Variants in UNC5C observed in about 807,000 individuals in gnomAD.
UNC5C encodes the protein unc-5 netrin receptor C.
In UNC5C, 47 loss-of-function variants were observed where a neutral mutation model predicts 99.8. The ratio of observed to expected loss-of-function variants is 0.47; its 90% CI spans 0.37 to 0.60. The LOEUF (loss-of-function observed/expected upper bound fraction) is 0.60, where lower values mean the gene tolerates loss of function less well. Ranked by LOEUF, UNC5C falls within the 20% of genes least tolerant of loss-of-function variation. The pLI, the probability that UNC5C is intolerant of heterozygous loss-of-function variation, is 0.00. For missense variants in UNC5C, 1,062 were observed against 1,165.9 expected, an observed-to-expected ratio of 0.91 and a Z score of 1.30; for synonymous variants, 487 against 452.2, an observed-to-expected ratio of 1.08 and a Z score of -0.98.
chr4:95,278,388 A>T (rs754126482), intron 3 of UNC5C, 26 bp from the exon 4 acceptor site: 3 of 1,572,104 alleles, frequency 1.9e-6, no homozygotes, highest in South Asian at 2.2e-5. Context: ...GACAAAATAC[A>T]TGTCAAAATT....
intron 13 of UNC5C, 90 bp from the exon 14 acceptor site, chr4:95,183,151 C>T (rs1736686442): frequency 1.6e-6 from 2 of 1,282,662 alleles, no homozygotes; most frequent in South Asian, 1.4e-5. Context: ...CTGAGTATCA[C>T]ACCTGTGGCC....
At chr4:95,282,380 T>C (rs1741091109) in intron 3 of UNC5C, among the ~76,000 whole-genome samples, 1 of 151,838 alleles carries the variant, frequency 6.6e-6, no homozygotes, top group African/African-American at 2.4e-5. Flanking sequence ...TGATGAGGAG[T>C]GGCCAGGAAG....
At chr4:95,309,530 C>A (rs1393736366) in intron 2 of UNC5C, among the ~76,000 whole-genome samples, 1 of 152,028 alleles carries the variant, frequency 6.6e-6, no homozygotes, top group African/African-American at 2.4e-5. Flanking sequence ...GTAAACCATA[C>A]ATCTGATAAA....
chr4:95,395,501 G>C (rs1192603804), intron 1 of UNC5C, among the ~76,000 whole-genome samples: 2 of 152,122 alleles, frequency 1.3e-5, no homozygotes, highest in Non-Finnish European at 2.9e-5. Flanking sequence ...CCTCCTCCCA[G>C]ACACTAAGGG....
intron 3 of UNC5C, among the ~76,000 whole-genome samples, chr4:95,299,917 G>A (rs1018183643): frequency 6.6e-6 from 1 of 152,146 alleles, no homozygotes; most frequent in Non-Finnish European, 1.5e-5. Flanking sequence ...GTAACAGGGA[G>A]GAAGGGCTGG....
At chr4:95,184,448 C>T (rs576210746) in intron 13 of UNC5C, among the ~76,000 whole-genome samples, 4 of 152,222 alleles carry the variant, frequency 2.6e-5, no homozygotes, top group South Asian at 2.1e-4. Context: ...CTTGCAATCC[C>T]GCCAAAGTGG....
At chr4:95,319,505 C>G (rs913926571) in intron 2 of UNC5C, among the ~76,000 whole-genome samples, 1 of 152,110 alleles carries the variant, frequency 6.6e-6, no homozygotes, top group Non-Finnish European at 1.5e-5. Flanking sequence ...ACTTTTTTGC[C>G]AGACCCTGAT....
chr4:95,217,822 T>C (rs1738304741), intron 9 of UNC5C, among the ~76,000 whole-genome samples: 1 of 152,192 alleles, frequency 6.6e-6, no homozygotes, highest in Non-Finnish European at 1.5e-5. Context: ...TGGACTGTTA[T>C]AAAGATATTT....
intron 1 of UNC5C, among the ~76,000 whole-genome samples, chr4:95,413,982 A>G (rs1746085313): frequency 6.6e-6 from 1 of 152,244 alleles, no homozygotes; most frequent in African/African-American, 2.4e-5. Flanking sequence ...ATCCAAATGC[A>G]GAGCCAAATA....
At chr4:95,274,006 ATATACT>A (rs1740761243) in intron 4 of UNC5C, among the ~76,000 whole-genome samples, 1 of 152,338 alleles carries the variant, frequency 6.6e-6, no homozygotes, top group South Asian at 2.1e-4. Flanking sequence ...ATTTAGTTAA[ATATACT>A]TAGAGAATCT....
intron 2 of UNC5C, among the ~76,000 whole-genome samples, chr4:95,311,098 G>A (rs1297616468): frequency 1.3e-5 from 2 of 152,060 alleles, no homozygotes; most frequent in East Asian, 3.9e-4. Flanking sequence ...AAATATTTCT[G>A]TTTTACATTT....
intron 1 of UNC5C, among the ~76,000 whole-genome samples, chr4:95,496,601 TG>T (rs1721637354): frequency 6.6e-6 from 1 of 151,914 alleles, no homozygotes; most frequent in African/African-American, 2.4e-5. Context: ...AACCCTAATT[TG>T]ATCAAGTAAC....
chr4:95,398,160 G>A lies in UNC5C; in HGVS notation c.125-62529C>T, dbSNP rs530221487. On this transcript the variant is annotated intron_variant, in intron 1 of 15. Transcript: ENST00000453304. ...TAAACACATGCAAATGAAAACACAG[G>A]ATTCCATGCTTATCATCCAAACCAC... 1.5e-3 allele frequency among the ~76,000 whole-genome samples: 228 copies of A among 149,902 alleles called. 1 individual carries two copies. Among genetic ancestry groups the A allele is most frequent in the African/African-American group, 5.4e-3 (219 of 40,422 alleles).
chr4:95,453,504 G>T (rs1747332808), intron 1 of UNC5C, among the ~76,000 whole-genome samples: 1 of 151,890 alleles, frequency 6.6e-6, no homozygotes, highest in Admixed American at 6.6e-5. Context: ...AGAAAAAAAA[G>T]AAAGAAAAAA....
intron 1 of UNC5C, among the ~76,000 whole-genome samples, chr4:95,430,200 A>G (rs1746596215): frequency 6.6e-6 from 1 of 152,122 alleles, no homozygotes; most frequent in South Asian, 2.1e-4. Context: ...CATCAACTGT[A>G]AGAAATGTAC....
intron 5 of UNC5C, 82 bp downstream of exon 5, chr4:95,250,405 A>G (rs1436945459): frequency 7.0e-7 from 1 of 1,435,568 alleles, no homozygotes; most frequent in African/African-American, 1.4e-5. Flanking sequence ...AAATTTTAAA[A>G]AAAGGGCTTC....
chr4:95,301,356 C>T (rs895826397), intron 3 of UNC5C, among the ~76,000 whole-genome samples: 4 of 151,934 alleles, frequency 2.6e-5, no homozygotes, highest in African/African-American at 4.8e-5. Context: ...CCACCATGCC[C>T]GGCTAATTTT....
chr4:95,276,705 CTCCT>C (rs564510114), intron 4 of UNC5C, among the ~76,000 whole-genome samples: 362 of 152,216 alleles, frequency 2.4e-3, no homozygotes, highest in Non-Finnish European at 3.4e-3. Flanking sequence ...GAAGAGTTTT[CTCCT>C]TCCTAGTCGT....
At chr4:95,362,913 A>G (rs1233759402) in intron 1 of UNC5C, among the ~76,000 whole-genome samples, 1 of 152,150 alleles carries the variant, frequency 6.6e-6, no homozygotes, top group Non-Finnish European at 1.5e-5. Context: ...GTTAAATAAT[A>G]ATAGGATACC....
Sources: allele counts gnomAD v4.1 joint callset (sites outside exome capture counted in the v4.1 genomes callset), GRCh38; gene constraint gnomAD v4.1.1; transcripts MANE v1.5; gene names NCBI Gene and HGNC (gene_info 2026-07-23, HGNC 2026-07-21).